The following CDH18 variants were observed in gnomAD, a reference collection of about 807,000 sequenced individuals.
CDH18 encodes cadherin 18.
CDH18 carries 31 observed loss-of-function variants against 67.9 expected under a neutral mutation model. That is an observed-to-expected ratio of 0.46 (90% CI 0.34 to 0.62). The LOEUF is 0.62. CDH18 is among the 20% of genes least tolerant of loss of function. The pLI is 0.01. For synonymous variants in CDH18, 362 were observed against 347.2 expected (o/e 1.04, Z -0.48); for missense variants, 890 against 975.5 (o/e 0.91, Z 1.17).
intron 2 of CDH18, among the ~76,000 whole-genome samples, chr5:20,061,214 C>T (rs888584689): frequency 2.8e-4 from 42 of 151,680 alleles, no homozygotes; most frequent in Admixed American, 6.6e-4. Flanking sequence ...AGTCCTATAA[C>T]GAATCCTTAA....
intron 2 of CDH18, among the ~76,000 whole-genome samples, chr5:20,102,622 T>C (rs1746571809): frequency 6.6e-6 from 1 of 152,196 alleles, no homozygotes; most frequent in South Asian, 2.1e-4. Context: ...GAGGCTAAGA[T>C]GCTTTCATTT....
chr5:19,933,482 T>C (rs1225906559), intron 2 of CDH18, among the ~76,000 whole-genome samples: 2 of 151,564 alleles, frequency 1.3e-5, no homozygotes, highest in African/African-American at 4.8e-5. Context: ...ACCTAAATTC[T>C]TTCTCCAGCT....
intron 3 of CDH18, among the ~76,000 whole-genome samples, chr5:19,755,523 G>GTGTATATACATATA (rs1174884085): frequency 5.8e-4 from 53 of 91,050 alleles, no homozygotes; most frequent in Non-Finnish European, 1.2e-3. Context: ...ATATATATAT[G>GTGTATATACATATA]CCCTGTTAGT....
chr5:20,148,065 G>A (rs1750796989), intron 2 of CDH18, among the ~76,000 whole-genome samples: 1 of 151,490 alleles, frequency 6.6e-6, no homozygotes, highest in Non-Finnish European at 1.5e-5. Context: ...CCTTTGTTAA[G>A]CATACAATAG....
At chr5:19,844,152 C>A (rs1438038147) in intron 2 of CDH18, among the ~76,000 whole-genome samples, 1 of 152,080 alleles carries the variant, frequency 6.6e-6, no homozygotes, top group Non-Finnish European at 1.5e-5. Context: ...AGGGAAGGTA[C>A]AATCGTGCTT....
chr5:19,744,538 ACAT>A (rs1769710757), intron 4 of CDH18, among the ~76,000 whole-genome samples: 1 of 151,220 alleles, frequency 6.6e-6, no homozygotes, highest in African/African-American at 2.4e-5. Context: ...ACACACACAC[ACAT>A]CTATTCCAGA....
intron 1 of CDH18, among the ~76,000 whole-genome samples, chr5:20,353,517 AT>A (rs1741374704): frequency 6.6e-6 from 1 of 152,142 alleles, no homozygotes; most frequent in African/African-American, 2.4e-5. Context: ...TAACTTTTAT[AT>A]TCTGTTTAAT....
At chr5:19,801,561 T>A (rs980916371) in intron 3 of CDH18, among the ~76,000 whole-genome samples, 1 of 152,220 alleles carries the variant, frequency 6.6e-6, no homozygotes, top group Admixed American at 6.5e-5. Context: ...AAGGATTTTT[T>A]AAAATCTCTT....
intron 5 of CDH18, among the ~76,000 whole-genome samples, chr5:19,654,906 T>C (rs1416472820): frequency 6.6e-6 from 1 of 152,076 alleles, no homozygotes; most frequent in Non-Finnish European, 1.5e-5. Flanking sequence ...CTCTCGACAT[T>C]CAGACACTCC....
intron 2 of CDH18, among the ~76,000 whole-genome samples, chr5:19,965,542 T>C (rs1173676594): frequency 6.6e-6 from 1 of 152,202 alleles, no homozygotes; most frequent in Non-Finnish European, 1.5e-5. Context: ...ATTTAATAAA[T>C]AGCATTATAT....
At chr5:19,789,260 C>T (rs984654125) in intron 3 of CDH18, among the ~76,000 whole-genome samples, 9 of 152,026 alleles carry the variant, frequency 5.9e-5, no homozygotes, top group Non-Finnish European at 1.0e-4. Flanking sequence ...CCTTACTGGG[C>T]GTCAGTTATT....
intron 10 of CDH18, among the ~76,000 whole-genome samples, chr5:19,508,570 G>T (rs933715376): frequency 2.4e-4 from 34 of 143,764 alleles, no homozygotes; most frequent in African/African-American, 8.4e-4. Context: ...AAAAGCAAAG[G>T]GTGAAAAAAA....
chr5:19,537,050 C>T (rs1466217366), intron 9 of CDH18, among the ~76,000 whole-genome samples: 2 of 152,110 alleles, frequency 1.3e-5, no homozygotes, highest in Non-Finnish European at 2.9e-5. Context: ...ATGGAGTGCT[C>T]AGATATGTAT....
At chr5:19,567,235 A>G (rs1740567635) in intron 8 of CDH18, among the ~76,000 whole-genome samples, 1 of 152,190 alleles carries the variant, frequency 6.6e-6, no homozygotes, top group South Asian at 2.1e-4. Context: ...ATTGCTGCAA[A>G]TTACACATCT....
chr5:20,058,611 C>G (rs1742198523), intron 2 of CDH18, among the ~76,000 whole-genome samples: 1 of 151,876 alleles, frequency 6.6e-6, no homozygotes, highest in Admixed American at 6.6e-5. Flanking sequence ...CCGAGCCTAG[C>G]CAAAGAATCA....
At chr5:19,650,827 G>A (rs1755469358) in intron 5 of CDH18, among the ~76,000 whole-genome samples, 1 of 152,106 alleles carries the variant, frequency 6.6e-6, no homozygotes, top group East Asian at 1.9e-4. Context: ...GCTCTTTTCA[G>A]ATGGTTTTAC....
rs1770354649 is a variant in CDH18, at chr5:19,748,133, A to AAAAAAAAAAAAAAAAAAT, written c.229-898_229-897insATTTTTTTTTTTTTTTTT. Among the ~76,000 whole-genome samples the AAAAAAAAAAAAAAAAAAT allele has an allele frequency of 2.1e-5, 3 of 142,902 alleles. 1 individual carries two copies. The highest frequency in any genetic ancestry group is 1.5e-5 in the Non-Finnish European group (1 of 65,274). The allele number at this position is 142,902 out of a possible 152,430, so 93.7% of individuals were successfully genotyped here. ...ATCTCAAAAAAAAAAAAAAAAAAAA[A>AAAAAAAAAAAAAAAAAAT]GAGTACTTTTTTAGGGATAGAGTAT... On this transcript the variant is annotated intron_variant, in intron 3 of 12. Transcript: ENST00000382275.
rs1251914228 is a variant in CDH18 at position 19,471,723 on chromosome 5, GA to G, written c.*1502del. ...CCCAAATTCTCAGAAATTAGCTTAT[GA>G]AAATATTAAAATAATTGGAATTGTG... is the stretch of plus-strand genomic sequence containing the variant. On this transcript the variant is annotated 3_prime_UTR_variant, in exon 13 of 13. Coordinates refer to ENST00000382275, the MANE Select transcript of CDH18 (RefSeq NM_004934.5). Among the ~76,000 whole-genome samples, 25 of 151,936 alleles carry G rather than the reference GA, an allele frequency of 1.6e-4. No individual in the cohort carries two copies. The highest frequency in any genetic ancestry group is 1.5e-5 in the Non-Finnish European group (1 of 67,978).
intron 1 of CDH18, among the ~76,000 whole-genome samples, chr5:20,503,952 C>T (rs1320498208): frequency 3.3e-5 from 5 of 151,514 alleles, no homozygotes; most frequent in Admixed American, 6.6e-5. Flanking sequence ...GCAGGAGAAT[C>T]GCTTGAACCC....
Sources: gnomAD v4.1 joint callset for allele counts (sites outside exome capture counted in the v4.1 genomes callset) on GRCh38, gnomAD v4.1.1 for gene constraint, MANE v1.5 for transcripts, NCBI Gene and HGNC (gene_info 2026-07-23, HGNC 2026-07-21) for gene names.